The following PTPRD variants were observed in gnomAD, a reference collection of about 807,000 sequenced individuals.
PTPRD encodes receptor-type tyrosine-protein phosphatase delta.
Under a neutral mutation model 214.5 loss-of-function variants are expected in PTPRD, and 34 were observed. The observed-to-expected ratio is 0.16, with a 90% CI of 0.12 to 0.21. The LOEUF (loss-of-function observed/expected upper bound fraction) is 0.21, where lower values mean the gene tolerates loss of function less well. Ranked by LOEUF, PTPRD falls within the 10% of genes least tolerant of loss-of-function variation. PTPRD has a pLI of 1.00. For synonymous variants in PTPRD, 1,128 were observed against 845.7 expected (o/e 1.33, Z -5.79); for missense variants, 2,545 against 2,398.7 (o/e 1.06, Z -1.27).
intron 14 of PTPRD, among the ~76,000 whole-genome samples, chr9:8,613,953 T>G (rs1173640618): frequency 6.6e-6 from 1 of 152,070 alleles, no homozygotes; most frequent in Non-Finnish European, 1.5e-5. Flanking sequence ...TCTTGCAGTT[T>G]TTTTTTTTTC....
intron 11 of PTPRD, among the ~76,000 whole-genome samples, chr9:8,932,672 G>A (rs1400535514): frequency 2.0e-5 from 3 of 152,166 alleles, no homozygotes; most frequent in African/African-American, 7.2e-5. Context: ...TTTACACTGT[G>A]AGGGGAAAAC....
At chr9:8,793,918 G>A (rs902333712) in intron 11 of PTPRD, among the ~76,000 whole-genome samples, 1 of 152,142 alleles carries the variant, frequency 6.6e-6, no homozygotes, top group Non-Finnish European at 1.5e-5. Context: ...AAGAGGTCTG[G>A]CTGGATTAAC....
chr9:10,452,293 G>A (rs1455840820), intron 2 of PTPRD, among the ~76,000 whole-genome samples: 3 of 151,840 alleles, frequency 2.0e-5, no homozygotes, highest in Admixed American at 6.6e-5. Context: ...TGGGGGTACA[G>A]ACATATTTTT....
At chr9:9,964,466 A>T (rs1308049655) in intron 4 of PTPRD, among the ~76,000 whole-genome samples, 3 of 152,182 alleles carry the variant, frequency 2.0e-5, no homozygotes, top group African/African-American at 7.2e-5. Flanking sequence ...AAATCTAAAG[A>T]AGCTTAGCAG....
chr9:8,964,078 A>T (rs921226423), intron 11 of PTPRD, among the ~76,000 whole-genome samples: 1 of 151,090 alleles, frequency 6.6e-6, no homozygotes, highest in Admixed American at 6.6e-5. Context: ...TGAGTCATAG[A>T]GGAGTCCCTC....
At chr9:9,309,995 G>A (rs1295679940) in intron 9 of PTPRD, among the ~76,000 whole-genome samples, 1 of 151,916 alleles carries the variant, frequency 6.6e-6, no homozygotes, top group East Asian at 1.9e-4. Flanking sequence ...CATGTTGTAG[G>A]GTTTGGAAGC....
At chr9:9,430,135 T>C (rs553970871) in intron 8 of PTPRD, among the ~76,000 whole-genome samples, 8 of 152,182 alleles carry the variant, frequency 5.3e-5, no homozygotes, top group Admixed American at 2.6e-4. Context: ...GATGACATGA[T>C]TGTATGTCTA....
chr9:9,563,189 G>C (rs535421986), intron 8 of PTPRD, among the ~76,000 whole-genome samples: 5 of 152,272 alleles, frequency 3.3e-5, no homozygotes, highest in South Asian at 4.1e-4. Flanking sequence ...GGGTGGTCAA[G>C]ATATAGTAAT....
At chr9:9,084,858 CATTTT>C (rs1367914103) in intron 10 of PTPRD, among the ~76,000 whole-genome samples, 1 of 152,106 alleles carries the variant, frequency 6.6e-6, no homozygotes, top group Admixed American at 6.6e-5. Context: ...AAAATATCAA[CATTTT>C]ATTTTCTCTA....
At chr9:9,117,124 G>A (rs2099813118) in intron 10 of PTPRD, among the ~76,000 whole-genome samples, 1 of 152,134 alleles carries the variant, frequency 6.6e-6, no homozygotes, top group African/African-American at 2.4e-5. Flanking sequence ...TAGAAACTCT[G>A]AAGTAATTTT....
rs1419441419 is a variant in PTPRD at position 8,507,384 on chromosome 9, T to C, written c.1594A>G (p.Ile532Val). 1 of 1,613,882 alleles carries C rather than the reference T, an allele frequency of 6.2e-7. No homozygotes were observed. Among genetic ancestry groups the C allele is most frequent in the African/African-American group, 1.3e-5 (1 of 74,926 alleles). Residue 532 changes from isoleucine to valine, a missense_variant, in exon 22 of 46, where the codon ATT becomes GTT. Physicochemically the swap from Ile to Val is conservative, Grantham distance 29. Transcript: ENST00000381196. The part of the protein sequence containing the change: ...FKAEPESETS[I>V]LLSWTPPRSD... ...CGTGGAGGTGTCCAAGAGAGCAAAATACTTGTTTCAGACTCAGGTTCTGCT... is the reference window on the plus strand; with the variant it reads ...CGTGGAGGTGTCCAAGAGAGCAAAACACTTGTTTCAGACTCAGGTTCTGCT...
intron 8 of PTPRD, among the ~76,000 whole-genome samples, chr9:9,558,859 G>T (rs2082174422): frequency 6.6e-6 from 1 of 152,128 alleles, no homozygotes; most frequent in African/African-American, 2.4e-5. Flanking sequence ...GAAGGTTCAG[G>T]ATCTAGGGGT....
At chr9:9,915,871 G>A (rs370678818) in intron 5 of PTPRD, among the ~76,000 whole-genome samples, 2 of 152,104 alleles carry the variant, frequency 1.3e-5, no homozygotes, top group South Asian at 2.1e-4. Context: ...GAAGGTCAAA[G>A]AACTTCAGAT....
intron 30 of PTPRD, among the ~76,000 whole-genome samples, chr9:8,474,321 T>C (rs62534023): frequency 6.6e-6 from 1 of 152,252 alleles, no homozygotes; most frequent in Admixed American, 6.5e-5. Context: ...GCGGGGTTCA[T>C]GGCCTTCTTT....
chr9:10,045,458 T>C (rs10958843), intron 3 of PTPRD, among the ~76,000 whole-genome samples: 45,793 of 151,300 alleles, frequency 0.3, 7,001 homozygotes, highest in Middle Eastern at 0.35. Context: ...TTATCAAGGA[T>C]TGTTTATATT....
chr9:9,129,237 A>C (rs117577061), intron 10 of PTPRD, among the ~76,000 whole-genome samples: 3,121 of 152,228 alleles, frequency 0.021, 61 homozygotes, highest in East Asian at 0.066. Context: ...TAAAAATACC[A>C]AAATTAGCCA....
intron 8 of PTPRD, among the ~76,000 whole-genome samples, chr9:9,457,710 G>GT (rs899936041): frequency 1.2e-4 from 18 of 152,054 alleles, no homozygotes; most frequent in African/African-American, 3.4e-4. Context: ...CAACCATTAG[G>GT]TTTTTTCCAT....
At chr9:8,657,150 A>G (rs1230608657) in intron 12 of PTPRD, among the ~76,000 whole-genome samples, 1 of 143,954 alleles carries the variant, frequency 6.9e-6, no homozygotes, top group Admixed American at 6.9e-5. Context: ...GTGTCTGTTC[A>G]TGTCTTTTGC....
chr9:8,989,916 T>G (rs977372676), intron 11 of PTPRD, among the ~76,000 whole-genome samples: 1 of 152,140 alleles, frequency 6.6e-6, no homozygotes, highest in Non-Finnish European at 1.5e-5. Context: ...TAAGTTTACG[T>G]CTACATTTTA....
Sources: allele counts gnomAD v4.1 joint callset (sites outside exome capture counted in the v4.1 genomes callset), GRCh38; gene constraint gnomAD v4.1.1; transcripts MANE v1.5; gene names NCBI Gene and HGNC (gene_info 2026-07-23, HGNC 2026-07-21).